Variants in HOMER2 observed in about 807,000 individuals in gnomAD.
The protein encoded by HOMER2 is homer scaffold protein 2.
In HOMER2, 27 loss-of-function variants were observed where a neutral mutation model predicts 47.0. The observed-to-expected ratio is 0.57, with a 90% confidence interval of 0.42 to 0.79. HOMER2 has a LOEUF of 0.79. Ranked by LOEUF, HOMER2 falls within the 30% of genes least tolerant of loss-of-function variation. The pLI is 0.00. For missense variants in HOMER2, 443 were observed against 435.0 expected, an observed-to-expected ratio of 1.02 and a Z score of -0.16; for synonymous variants, 161 against 163.8, an observed-to-expected ratio of 0.98 and a Z score of 0.13.
exon 2 of HOMER2, chr15:82,836,981 TAGTC>T (rs2051134472): frequency 6.6e-6 from 1 of 152,282 alleles, no homozygotes; most frequent in African/African-American, 2.4e-5. Flanking sequence ...TACAGTTCCA[TAGTC>T]AGAAGTCTGA....
At chr15:82,906,433 CTT>C (rs1185595370) in intron 1 of HOMER2, among the ~76,000 whole-genome samples, 26 of 141,008 alleles carry the variant, frequency 1.8e-4, no homozygotes, top group Middle Eastern at 3.7e-3. Context: ...AAGAAATCCA[CTT>C]TTTTTTTTTT....
At chr15:82,863,194 T>A (rs1265120139) in intron 4 of HOMER2, among the ~76,000 whole-genome samples, 4 of 151,648 alleles carry the variant, frequency 2.6e-5, no homozygotes, top group Admixed American at 2.6e-4. Flanking sequence ...TGCAACCCCC[T>A]CCCCGGGCTT....
At chr15:82,906,122 C>A (rs1183896167) in intron 1 of HOMER2, among the ~76,000 whole-genome samples, 1 of 151,966 alleles carries the variant, frequency 6.6e-6, no homozygotes, top group Non-Finnish European at 1.5e-5. Flanking sequence ...AGCTTGGATT[C>A]ATTGTAAATG....
At chr15:82,978,634 G>T (rs976547613) in intron 1 of HOMER2, among the ~76,000 whole-genome samples, 1 of 152,174 alleles carries the variant, frequency 6.6e-6, no homozygotes, top group Non-Finnish European at 1.5e-5. Flanking sequence ...AACAAACCCC[G>T]TGTGTTGTGG....
intron 1 of HOMER2, among the ~76,000 whole-genome samples, chr15:82,969,594 C>T (rs1253861298): frequency 2.0e-5 from 3 of 152,178 alleles, no homozygotes; most frequent in Admixed American, 2.0e-4. Flanking sequence ...ACTCCTCATT[C>T]ACTTCTGCAT....
chr15:82,928,361 T>C (rs74364402), intron 1 of HOMER2, among the ~76,000 whole-genome samples: 83 of 152,206 alleles, frequency 5.5e-4, no homozygotes, highest in African/African-American at 2.0e-3. Context: ...CATGCAAATA[T>C]TTAATTGCAT....
At chr15:82,985,791 G>T (rs1174666656) in exon 1 of HOMER2, 1 of 152,288 alleles carries the variant, frequency 6.6e-6, no homozygotes, top group Non-Finnish European at 1.5e-5. Context: ...TACTACCGAG[G>T]CTTGCCCAGG....
intron 1 of HOMER2, 136 bp downstream of exon 1, chr15:82,952,395 G>T (rs934812943): frequency 1.8e-6 from 1 of 564,022 alleles, no homozygotes; most frequent in African/African-American, 2.0e-5. Context: ...ACTCCCGGGC[G>T]CAGAGTGTGC....
At chr15:82,899,529 G>A (rs2053042585) in intron 1 of HOMER2, among the ~76,000 whole-genome samples, 1 of 152,214 alleles carries the variant, frequency 6.6e-6, no homozygotes, top group Non-Finnish European at 1.5e-5. Flanking sequence ...TAACTTACAA[G>A]CATATTGGAG....
chr15:82,853,447 A>C (rs992187994), intron 6 of HOMER2, among the ~76,000 whole-genome samples: 2 of 152,138 alleles, frequency 1.3e-5, no homozygotes, highest in African/African-American at 2.4e-5. Flanking sequence ...AAATGACACG[A>C]GACACTTTTA....
intron 1 of HOMER2, among the ~76,000 whole-genome samples, chr15:82,935,313 C>A (rs138818221): frequency 0.011 from 1,641 of 152,278 alleles, 8 homozygotes; most frequent in Non-Finnish European, 0.016. Context: ...TGCCCAAACT[C>A]TCCTGCTTAG....
At chr15:82,936,996 G>A (rs1177662655) in intron 1 of HOMER2, among the ~76,000 whole-genome samples, 3 of 152,050 alleles carry the variant, frequency 2.0e-5, no homozygotes, top group Non-Finnish European at 4.4e-5. Context: ...AAATATTCAG[G>A]GTACACACAA....
rs2053508448 is a variant in HOMER2, at chr15:82,913,714, C to A, written c.6-20873G>T. On this transcript the variant is annotated intron_variant, in intron 1 of 8. Coordinates refer to ENST00000450735, the MANE Select transcript of HOMER2 (RefSeq NM_004839.4). This position sits in a 1 kb window ranked among gnomAD's most constrained non-coding sequence, Gnocchi z 4.1. ...AGTCCCTCCATCCTGGACCCTTCCTCCAGAATCCCCCACTGCCAGTCCCTC... is the reference window on the plus strand; with the variant it reads ...AGTCCCTCCATCCTGGACCCTTCCTACAGAATCCCCCACTGCCAGTCCCTC... Among the ~76,000 whole-genome samples, 1 of 152,180 alleles carries A rather than the reference C, an allele frequency of 6.6e-6. No individual in the cohort carries two copies. Among genetic ancestry groups the A allele is most frequent in the Non-Finnish European group, 1.5e-5 (1 of 68,046 alleles).
At chr15:82,900,362 T>A (rs1323059867) in intron 1 of HOMER2, among the ~76,000 whole-genome samples, 1 of 152,144 alleles carries the variant, frequency 6.6e-6, no homozygotes, top group Non-Finnish European at 1.5e-5. Context: ...GAAGAAAACT[T>A]TAATAAGACA....
chr15:82,837,614 T>C (rs1471760459), exon 2 of HOMER2: 1 of 152,186 alleles, frequency 6.6e-6, no homozygotes, highest in Admixed American at 6.5e-5. Flanking sequence ...CTGGTATTCA[T>C]GAGGTCTTCA....
At chr15:82,949,834 A>T (rs1332496788) in intron 1 of HOMER2, among the ~76,000 whole-genome samples, 1 of 152,216 alleles carries the variant, frequency 6.6e-6, no homozygotes, top group East Asian at 1.9e-4. Flanking sequence ...TCCAATAACC[A>T]CATGTGCTGG....
intron 6 of HOMER2, 125 bp downstream of exon 6, chr15:82,854,519 C>G: frequency 1.1e-6 from 1 of 932,934 alleles, no homozygotes; most frequent in South Asian, 1.8e-5. Flanking sequence ...GGAGAGGCAG[C>G]AAGTCTTCCT....
At chr15:82,968,422 T>A (rs2054695387) in intron 1 of HOMER2, among the ~76,000 whole-genome samples, 1 of 152,252 alleles carries the variant, frequency 6.6e-6, no homozygotes, top group Non-Finnish European at 1.5e-5. Context: ...TTGTTTAGAT[T>A]TAAATTTTAT....
intron 1 of HOMER2, among the ~76,000 whole-genome samples, chr15:82,921,701 C>A (rs955126733): frequency 6.6e-6 from 1 of 152,190 alleles, no homozygotes; most frequent in Non-Finnish European, 1.5e-5. Context: ...GACCTGCAGA[C>A]TCAGTTCAGA....
Sources: gnomAD v4.1 joint callset for allele counts (sites outside exome capture counted in the v4.1 genomes callset) on GRCh38, gnomAD v4.1.1 for gene constraint, Gnocchi (gnomAD v3.1) non-coding constraint, MANE v1.5 for transcripts, NCBI Gene and HGNC (gene_info 2026-07-23, HGNC 2026-07-21) for gene names.